The following FNDC3B variants were observed in gnomAD, a reference collection of about 807,000 sequenced individuals.
The protein encoded by FNDC3B is fibronectin type III domain-containing protein 3B.
Under a neutral mutation model 151.5 loss-of-function variants are expected in FNDC3B, and 12 were observed. The observed-to-expected ratio is 0.08, with a 90% confidence interval of 0.05 to 0.13. FNDC3B has a LOEUF of 0.13. FNDC3B is among the 10% of genes least tolerant of loss of function. The pLI, the probability that FNDC3B is intolerant of heterozygous loss-of-function variation, is 1.00. For missense variants in FNDC3B, 1,214 were observed against 1,505.3 expected, an observed-to-expected ratio of 0.81 and a Z score of 3.20; for synonymous variants, 528 against 549.0, an observed-to-expected ratio of 0.96 and a Z score of 0.54.
chr3:172,393,705 C>T (rs1025392953), intron 25 of FNDC3B, among the ~76,000 whole-genome samples: 2 of 151,828 alleles, frequency 1.3e-5, no homozygotes, highest in Non-Finnish European at 2.9e-5. Flanking sequence ...GGAAAATTCA[C>T]GAATACATGG....
intron 1 of FNDC3B, among the ~76,000 whole-genome samples, chr3:172,099,921 GA>G (rs201807051): frequency 0.15 from 22,612 of 152,088 alleles, 2,188 homozygotes; most frequent in Admixed American, 0.23. Context: ...TGTCGTCTGG[GA>G]GACCCTTGGG....
intron 2 of FNDC3B, among the ~76,000 whole-genome samples, chr3:172,128,753 T>C (rs1326514159): frequency 6.6e-6 from 1 of 152,178 alleles, no homozygotes; most frequent in African/African-American, 2.4e-5. Context: ...TAAAGATACC[T>C]GTTGGATAAT....
rs868003012 is a variant in FNDC3B at position 172,348,412 on chromosome 3, G to A, written c.2514+1051G>A. ...TTGTTATACACCTTTCTTGCTTCTC[G>A]AATGAAGCACCTGGGACATAATTAA... On this transcript the variant is annotated intron_variant, in intron 21 of 25. Coordinates refer to ENST00000415807, the MANE Select transcript of FNDC3B (RefSeq NM_022763.4). Among the ~76,000 whole-genome samples, 9 of 152,164 alleles carry A rather than the reference G, an allele frequency of 5.9e-5. No homozygotes were observed. In the East Asian group the frequency reaches 7.7e-4, roughly 13 times the overall value.
intron 3 of FNDC3B, among the ~76,000 whole-genome samples, chr3:172,200,715 C>A (rs1273892740): frequency 6.6e-6 from 1 of 152,128 alleles, no homozygotes. Flanking sequence ...CAGAATGTAA[C>A]CCCCCTCTTA....
At chr3:172,266,073 T>C (rs1400569416) in intron 6 of FNDC3B, among the ~76,000 whole-genome samples, 1 of 152,214 alleles carries the variant, frequency 6.6e-6, no homozygotes, top group African/African-American at 2.4e-5. Flanking sequence ...TGACCTAGTC[T>C]GTCATCAGAC....
chr3:172,316,578 T>A, intron 11 of FNDC3B: 1 of 381,190 alleles, frequency 2.6e-6, no homozygotes, highest in Non-Finnish European at 5.1e-6. Context: ...TTAGAAAAAA[T>A]TAGTTACATA....
intron 3 of FNDC3B, among the ~76,000 whole-genome samples, chr3:172,160,042 C>G (rs1722692134): frequency 6.6e-6 from 1 of 152,210 alleles, no homozygotes; most frequent in African/African-American, 2.4e-5. Context: ...AGGGGCTGAC[C>G]AGAATCAGCC....
Position 172,275,349 on chromosome 3 carries a change from C to T in FNDC3B, c.791-10577C>T, listed in dbSNP as rs189848074. On this transcript the variant is annotated intron_variant, in intron 6 of 25. Coordinates refer to ENST00000415807, the MANE Select transcript of FNDC3B (RefSeq NM_022763.4). ...AGACATTAAGGCCTATGATGAATGT[C>T]ATGTTTTGAACAACAAGGGCAGCTC... Among the ~76,000 whole-genome samples the T allele has an allele frequency of 5.9e-5, 9 of 152,270 alleles. No individual in the cohort carries two copies. In the East Asian group the frequency reaches 1.7e-3, roughly 29 times the overall value.
intron 3 of FNDC3B, among the ~76,000 whole-genome samples, chr3:172,167,688 A>C (rs1185669127): frequency 6.6e-6 from 1 of 152,228 alleles, no homozygotes. Context: ...ACCAGGCCAC[A>C]CAGCAGGAGG....
At chr3:172,290,939 A>G (rs976713695) in intron 7 of FNDC3B, among the ~76,000 whole-genome samples, 2 of 152,244 alleles carry the variant, frequency 1.3e-5, no homozygotes, top group Non-Finnish European at 2.9e-5. Context: ...CCTCCCACAT[A>G]GTTCAATCCA....
chr3:172,400,304 G>A lies in FNDC3B; in HGVS notation c.*2829G>A, dbSNP rs1293431669. ...AGAAAACTTTTTAAAGAGATTTTTT[G>A]CATATTCTCTGCCTTGTTCTTATCA... is the stretch of plus-strand genomic sequence containing the variant. On this transcript the variant is annotated 3_prime_UTR_variant, in exon 26 of 26. Coordinates refer to ENST00000415807, the MANE Select transcript of FNDC3B (RefSeq NM_022763.4). 3.9e-5 allele frequency: 6 copies of A among 152,462 alleles called. No individual in the cohort carries two copies. The East Asian group carries it at 1.2e-3, about 29-fold the overall frequency. 9.4% of individuals were successfully genotyped at this position (152,462 alleles called of 1,614,324 possible). A position where few individuals can be genotyped will look rare whatever the true frequency, so the allele number is the denominator to read the frequency against.
intron 1 of FNDC3B, among the ~76,000 whole-genome samples, chr3:172,070,619 A>ACCTTTTAC (rs1393406904): frequency 1.3e-5 from 2 of 152,190 alleles, no homozygotes; most frequent in Admixed American, 1.3e-4. Context: ...TTTAGCATTT[A>ACCTTTTAC]CCTTTTACTT....
At position 172,174,922 on chromosome 3, in the gene FNDC3B, T is replaced by TCCCC. The variant is rs1560001415; in HGVS notation, c.187+41376_187+41377insCCCC. Among the ~76,000 whole-genome samples the TCCCC allele has an allele frequency of 1.2e-4, 5 of 40,130 alleles. 1 individual carries two copies. The highest frequency in any genetic ancestry group is 4.0e-4 in the African/African-American group (5 of 12,632). The allele number at this position is 40,130 out of a possible 152,430, so 26.3% of individuals were successfully genotyped here. A position where few individuals can be genotyped will look rare whatever the true frequency, so the allele number is the denominator to read the frequency against. The stretch of plus-strand genomic sequence containing the variant: ...TGATTCTCTGTGGACTTTGGAGACC[T>TCCCC]TCCCCCCGCCACCCCCCCCCCCCCA... On this transcript the variant is annotated intron_variant, in intron 3 of 25. Coordinates refer to ENST00000415807, the MANE Select transcript of FNDC3B (RefSeq NM_022763.4).
At chr3:172,229,136 C>CACACACACACAA (rs1272151522) in intron 4 of FNDC3B, among the ~76,000 whole-genome samples, 22 of 81,686 alleles carry the variant, frequency 2.7e-4, no homozygotes, top group African/African-American at 9.5e-4. Context: ...CACACACACA[C>CACACACACACAA]AATCTCCTGC....
At chr3:172,363,474 A>G (rs1734461948) in intron 23 of FNDC3B, among the ~76,000 whole-genome samples, 1 of 152,092 alleles carries the variant, frequency 6.6e-6, no homozygotes, top group African/African-American at 2.4e-5. Flanking sequence ...GCCAAACTGT[A>G]TTTAGAAATA....
At position 172,239,866 on chromosome 3, in the gene FNDC3B, T is replaced by A. The variant is rs1727400024; in HGVS notation, c.265-7667T>A. On this transcript the variant is annotated intron_variant, in intron 4 of 25. Coordinates refer to ENST00000415807, the MANE Select transcript of FNDC3B (RefSeq NM_022763.4). ...AGATCCATTTTAGTTCTTTTTTTTT[T>A]TTTTTTTTTTTTTTTTTTTTGGGAT... 2.9e-5 allele frequency among the ~76,000 whole-genome samples: 2 copies of A among 69,480 alleles called. 1 individual carries two copies. Among genetic ancestry groups the A allele is most frequent in the Non-Finnish European group, 5.2e-5 (2 of 38,646 alleles). The allele number at this position is 69,480 out of a possible 152,430, so 45.6% of individuals were successfully genotyped here.
intron 3 of FNDC3B, chr3:172,148,468 G>A (rs1368303837): frequency 2.0e-5 from 3 of 152,080 alleles, no homozygotes; most frequent in Non-Finnish European, 4.4e-5. Flanking sequence ...TGGTGAGAAA[G>A]GAAGTGACTC....
intron 21 of FNDC3B, among the ~76,000 whole-genome samples, chr3:172,350,915 T>A (rs1393760662): frequency 6.6e-6 from 1 of 152,212 alleles, no homozygotes; most frequent in Non-Finnish European, 1.5e-5. Context: ...AGCTGTCCAA[T>A]AAGCTAAATG....
intron 4 of FNDC3B, among the ~76,000 whole-genome samples, chr3:172,234,070 C>T (rs969548818): frequency 2.0e-5 from 3 of 152,166 alleles, no homozygotes; most frequent in African/African-American, 2.4e-5. Flanking sequence ...TGTGCAGTTT[C>T]GTCTTTCTGA....
Sources: allele counts gnomAD v4.1 joint callset (sites outside exome capture counted in the v4.1 genomes callset), GRCh38; gene constraint gnomAD v4.1.1; transcripts MANE v1.5; gene names NCBI Gene and HGNC (gene_info 2026-07-23, HGNC 2026-07-21).